Variants in GLIPR2 observed in about 807,000 individuals in gnomAD.
GLIPR2 encodes the protein GLI pathogenesis related 2.
Under a neutral mutation model 20.4 loss-of-function variants are expected in GLIPR2, and 21 were observed. The observed-to-expected ratio is 1.03, with a 90% CI of 0.73 to 1.48. The LOEUF (loss-of-function observed/expected upper bound fraction) is 1.48. GLIPR2 is among the 40% of genes most tolerant of loss of function. GLIPR2 has a pLI of 0.00. For missense variants in GLIPR2, 205 were observed against 200.1 expected (o/e 1.02, Z -0.15); for synonymous variants, 91 against 80.5 (o/e 1.13, Z -0.70).
chr9:36,148,367 T>C (rs1825433562), intron 2 of GLIPR2, among the ~76,000 whole-genome samples, 180 bp from the exon 3 acceptor site: 1 of 152,200 alleles, frequency 6.6e-6, no homozygotes, highest in South Asian at 2.1e-4. Context: ...TTAGTTCCCC[T>C]GAGCCTCGAC....
chr9:36,148,684 G>T (rs367838093), intron 3 of GLIPR2, 34 bp downstream of exon 3: 2 of 1,434,654 alleles, frequency 1.4e-6, no homozygotes, highest in South Asian at 1.2e-5. Flanking sequence ...TCCTCTCTGC[G>T]GGAGCTGGAA....
rs551516043 is a variant in GLIPR2 at position 36,147,882 on chromosome 9, G to A, written c.110G>A (p.Arg37Gln). 237 of 1,536,104 alleles carry A rather than the reference G, an allele frequency of 1.5e-4. 2 individuals are homozygous for A. In the South Asian group the frequency reaches 2.4e-3, roughly 16 times the overall value. ...PPLKLCKNLN[R>Q]EAQQYSEALA... ...CTGAAGCTCTGCAAGAACCTCAACC[G>A]GGAGGCTCAACAGTGAGTCCCCTAG... Residue 37 changes from arginine (R) to glutamine (Q), a missense_variant, in exon 2 of 5, where the codon CGG becomes CAG. Coordinates refer to ENST00000377960, the MANE Select transcript of GLIPR2 (RefSeq NM_022343.4).
intron 4 of GLIPR2, among the ~76,000 whole-genome samples, chr9:36,152,231 A>G (rs1252364358): frequency 1.3e-5 from 2 of 152,102 alleles, no homozygotes; most frequent in Non-Finnish European, 2.9e-5. Flanking sequence ...AAGGATACCT[A>G]AGGGTGTGGG....
intron 4 of GLIPR2, 76 bp downstream of exon 4, chr9:36,151,025 C>A: frequency 2.1e-6 from 2 of 943,788 alleles, no homozygotes; most frequent in Non-Finnish European, 3.5e-6. Flanking sequence ...AGGGAGGAAC[C>A]AGCCCTCTAA....
rs1478864305 is a variant in GLIPR2, at chr9:36,162,762, G to A, written c.*240G>A. On this transcript the variant is annotated 3_prime_UTR_variant, in exon 5 of 5. Coordinates refer to ENST00000377960, the MANE Select transcript of GLIPR2 (RefSeq NM_022343.4). ...TACCTAGACCACGATTATTTGGATT[G>A]GGGGGAGGGGGGATCCGTTTTTTTT... is the stretch of plus-strand genomic sequence containing the variant. The A allele has an allele frequency of 1.7e-6, 1 of 579,100 alleles. No individual in the cohort carries two copies. The highest frequency in any genetic ancestry group is 1.9e-5 in the African/African-American group (1 of 52,302). 35.9% of individuals were successfully genotyped at this position (579,100 alleles called of 1,614,324 possible). A position where few individuals can be genotyped will look rare whatever the true frequency, so the allele number is the denominator to read the frequency against.
chr9:36,150,751 G>T, intron 3 of GLIPR2, 121 bp from the exon 4 acceptor site: 2 of 691,228 alleles, frequency 2.9e-6, no homozygotes, highest in South Asian at 1.7e-5. Context: ...TCAGCTGACT[G>T]GGGCTTTCTC....
chr9:36,136,774 C>G lies in GLIPR2; in HGVS notation c.-5C>G. ...GCGGGGAGCGAGGAGCGCGCGGAGC[C>G]GGCCATGGGCAAGTCAGGTGAGCCC... On this transcript the variant is annotated 5_prime_UTR_variant, in exon 1 of 5. Coordinates refer to ENST00000377960, the MANE Select transcript of GLIPR2 (RefSeq NM_022343.4). The surrounding 1 kb of genome is among the most constrained non-coding windows in gnomAD (Gnocchi z 4.3). 1 of 1,295,636 alleles carries G rather than the reference C, an allele frequency of 7.7e-7. No individual in the cohort carries two copies. Among genetic ancestry groups the G allele is most frequent in the Non-Finnish European group, 9.8e-7 (1 of 1,024,492 alleles). The allele number at this position is 1,295,636 out of a possible 1,614,324, so 80.3% of individuals were successfully genotyped here.
At chr9:36,146,987 A>T (rs1233917822) in intron 1 of GLIPR2, among the ~76,000 whole-genome samples, 1 of 152,108 alleles carries the variant, frequency 6.6e-6, no homozygotes, top group East Asian at 1.9e-4. Flanking sequence ...CCCCTGCAGT[A>T]GGTTTCTGTG....
chr9:36,151,577 A>C (rs1825588743), intron 4 of GLIPR2, among the ~76,000 whole-genome samples: 1 of 152,066 alleles, frequency 6.6e-6, no homozygotes, highest in Admixed American at 6.6e-5. Flanking sequence ...TGTGGACTTG[A>C]GTCAATTCCT....
intron 1 of GLIPR2, among the ~76,000 whole-genome samples, chr9:36,137,294 C>T (rs1443490360): frequency 1.3e-5 from 2 of 152,216 alleles, no homozygotes; most frequent in Non-Finnish European, 2.9e-5. Flanking sequence ...ATCCTCTCTA[C>T]TGTGGCTGTC....
intron 2 of GLIPR2, among the ~76,000 whole-genome samples, chr9:36,148,292 G>A (rs537541208): frequency 1.2e-4 from 18 of 151,582 alleles, no homozygotes; most frequent in African/African-American, 2.2e-4. Flanking sequence ...TTTGGGGACC[G>A]GGTTTTGGGA....
intron 1 of GLIPR2, among the ~76,000 whole-genome samples, chr9:36,139,067 G>GTGGAGGCTGGAGAGGAGGA (rs1824955477): frequency 6.6e-6 from 1 of 152,134 alleles, no homozygotes; most frequent in African/African-American, 2.4e-5. Context: ...CCAGGGCAGG[G>GTGGAGGCTGGAGAGGAGGA]TGGAGGCTGG....
intron 1 of GLIPR2, among the ~76,000 whole-genome samples, chr9:36,145,829 G>C (rs547699802): frequency 2.0e-5 from 3 of 152,258 alleles, no homozygotes; most frequent in African/African-American, 7.2e-5. Flanking sequence ...GATCATTTCA[G>C]ATCCAAATTG....
intron 3 of GLIPR2, among the ~76,000 whole-genome samples, chr9:36,148,927 G>A (rs1326861271): frequency 1.3e-5 from 2 of 152,336 alleles, no homozygotes; most frequent in African/African-American, 4.8e-5. Context: ...CCAGGCCGAG[G>A]AGTGGGGGTT....
At chr9:36,155,156 G>T (rs1268259558) in intron 4 of GLIPR2, among the ~76,000 whole-genome samples, 1 of 152,148 alleles carries the variant, frequency 6.6e-6, no homozygotes, top group Non-Finnish European at 1.5e-5. Context: ...TGTACTTAGG[G>T]TTTGTTTTCT....
At chr9:36,145,677 A>G (rs1036723744) in intron 1 of GLIPR2, among the ~76,000 whole-genome samples, 2 of 152,114 alleles carry the variant, frequency 1.3e-5, no homozygotes, top group African/African-American at 4.8e-5. Flanking sequence ...GGGTGGGTAG[A>G]TGGAGGGAGG....
At chr9:36,147,533 T>C (rs1161195201) in intron 1 of GLIPR2, among the ~76,000 whole-genome samples, 1 of 152,168 alleles carries the variant, frequency 6.6e-6, no homozygotes, top group East Asian at 1.9e-4. Context: ...AAGACCCAAA[T>C]GCCTAACAGG....
chr9:36,158,642 C>T (rs1441483537), intron 4 of GLIPR2, among the ~76,000 whole-genome samples: 2 of 152,222 alleles, frequency 1.3e-5, no homozygotes, highest in East Asian at 1.9e-4. Context: ...TAGGAGGGAA[C>T]AATCTCTTCA....
At chr9:36,140,254 C>G (rs1385684913) in intron 1 of GLIPR2, among the ~76,000 whole-genome samples, 1 of 152,184 alleles carries the variant, frequency 6.6e-6, no homozygotes, top group East Asian at 1.9e-4. Context: ...CTCCATCCAC[C>G]TAGCACCAGA....
Sources: gnomAD v4.1 joint callset for allele counts (sites outside exome capture counted in the v4.1 genomes callset) on GRCh38, gnomAD v4.1.1 for gene constraint, Gnocchi (gnomAD v3.1) non-coding constraint, MANE v1.5 for transcripts, NCBI Gene and HGNC (gene_info 2026-07-23, HGNC 2026-07-21) for gene names.